Variants in HECW1 observed in about 807,000 individuals in gnomAD.
The protein encoded by HECW1 is HECT, C2 and WW domain containing E3 ubiquitin protein ligase 1.
A neutral mutation model predicts 182.3 loss-of-function variants in HECW1; 61 were observed. The ratio of observed to expected loss-of-function variants is 0.33; its 90% CI spans 0.27 to 0.41. The LOEUF (loss-of-function observed/expected upper bound fraction) is 0.41, where lower values mean the gene tolerates loss of function less well. Ranked by LOEUF, HECW1 falls within the 10% of genes least tolerant of loss-of-function variation. The probability of loss-of-function intolerance (pLI) is 1.00; values close to 1 mark genes in which losing one functional copy is unlikely to be tolerated. For synonymous variants in HECW1, 859 were observed against 832.6 expected (o/e 1.03, Z -0.55); for missense variants, 1,739 against 2,108.9 (o/e 0.82, Z 3.44).
In HECW1 at chr7:43,445,237, A is replaced by C; in HGVS notation, c.2065A>C (p.Ser689Arg). The change falls in exon 11 of 30, where the codon AGC becomes CGC. Residue 689 changes from serine to arginine, a missense_variant. Physicochemically the swap from Ser to Arg is moderately radical, Grantham distance 110. Transcript: ENST00000395891. Reference sequence around the variant, plus strand: ...CTCGTGCTACAGCTCCTCGTGCTACAGCACGTCCTGCTACAGCAGCTCGTG... The same window carrying C: ...CTCGTGCTACAGCTCCTCGTGCTACCGCACGTCCTGCTACAGCAGCTCGTG... ...SPSCYSSSCY[S>R]TSCYSSSCYS... 6.2e-7 allele frequency: 1 copy of C among 1,613,228 alleles called. No individual in the cohort carries two copies. Among genetic ancestry groups the C allele is most frequent in the Non-Finnish European group, 8.5e-7 (1 of 1,179,626 alleles).
At chr7:43,324,769 A>C (rs967891662) in intron 5 of HECW1, among the ~76,000 whole-genome samples, 3 of 152,236 alleles carry the variant, frequency 2.0e-5, no homozygotes, top group African/African-American at 7.2e-5. Context: ...GTACAACAGA[A>C]GCTCATTCTT....
intron 2 of HECW1, among the ~76,000 whole-genome samples, chr7:43,165,095 G>C: frequency 6.6e-6 from 1 of 152,168 alleles, no homozygotes; most frequent in Non-Finnish European, 1.5e-5. Context: ...GGTTTCAATA[G>C]TAAGGCCTTC....
intron 28 of HECW1, among the ~76,000 whole-genome samples, chr7:43,553,958 T>C (rs1420071033): frequency 1.3e-5 from 2 of 152,256 alleles, no homozygotes; most frequent in African/African-American, 4.8e-5. Context: ...TGAATGCCTC[T>C]TGCATTTGCA....
chr7:43,146,180 T>C (rs1375428517), intron 2 of HECW1, among the ~76,000 whole-genome samples: 1 of 152,232 alleles, frequency 6.6e-6, no homozygotes, highest in Non-Finnish European at 1.5e-5. Context: ...CACTTAATTT[T>C]CTGTGGTATT....
At chr7:43,272,333 G>A (rs984314064) in intron 3 of HECW1, among the ~76,000 whole-genome samples, 5 of 152,044 alleles carry the variant, frequency 3.3e-5, no homozygotes, top group African/African-American at 1.2e-4. Flanking sequence ...GTTGACAAGT[G>A]GAACCTATTA....
At chr7:43,264,416 C>T (rs1352388772) in intron 3 of HECW1, among the ~76,000 whole-genome samples, 4 of 152,146 alleles carry the variant, frequency 2.6e-5, no homozygotes, top group Admixed American at 6.5e-5. Flanking sequence ...TTGCAAATAA[C>T]GGAATTTTAC....
intron 14 of HECW1, among the ~76,000 whole-genome samples, chr7:43,464,071 T>C (rs1415128650): frequency 6.6e-6 from 1 of 152,216 alleles, no homozygotes; most frequent in Non-Finnish European, 1.5e-5. Flanking sequence ...AGATGAATTC[T>C]GGGGATGGAG....
chr7:43,554,024 T>C (rs1018705550), intron 28 of HECW1, among the ~76,000 whole-genome samples: 1 of 152,230 alleles, frequency 6.6e-6, no homozygotes, highest in East Asian at 1.9e-4. Flanking sequence ...CAGCTTACTG[T>C]GAGAGGGACC....
intron 6 of HECW1, among the ~76,000 whole-genome samples, chr7:43,396,298 TAATTA>T (rs2075228821): frequency 6.6e-6 from 1 of 152,226 alleles, no homozygotes; most frequent in African/African-American, 2.4e-5. Context: ...GGCAATTGAT[TAATTA>T]AGAGAGACCT....
chr7:43,212,549 A>G (rs1796092181), intron 2 of HECW1, among the ~76,000 whole-genome samples: 3 of 152,234 alleles, frequency 2.0e-5, no homozygotes, highest in Admixed American at 2.0e-4. Context: ...ACACAATTAC[A>G]GAAGGGAGGC....
rs577946927 is a variant in HECW1 at position 43,470,938 on chromosome 7, C to A, written c.3099+1833C>A. Among the ~76,000 whole-genome samples the A allele has an allele frequency of 2.6e-5, 4 of 152,352 alleles. No individual in the cohort carries two copies. The East Asian group carries it at 7.7e-4, about 29-fold the overall frequency. On this transcript the variant is annotated intron_variant, in intron 16 of 29. Transcript: ENST00000395891. ...ACAAAGGAGGATAGTGGGAAAAATACATGGACTAGTCCATCTCAGTCTAAA... is the reference window on the plus strand; with the variant it reads ...ACAAAGGAGGATAGTGGGAAAAATAAATGGACTAGTCCATCTCAGTCTAAA...
chr7:43,317,429 A>G (rs1021876335), intron 4 of HECW1, among the ~76,000 whole-genome samples: 8 of 152,244 alleles, frequency 5.3e-5, no homozygotes, highest in Admixed American at 2.6e-4. Context: ...CTCGTTGGAG[A>G]GCCAGTTAGG....
intron 3 of HECW1, among the ~76,000 whole-genome samples, chr7:43,295,287 CT>C (rs1197808601): frequency 6.6e-6 from 1 of 151,982 alleles, no homozygotes; most frequent in African/African-American, 2.4e-5. Flanking sequence ...AGGTATATAG[CT>C]TTTTTATAAT....
intron 26 of HECW1, among the ~76,000 whole-genome samples, chr7:43,544,770 G>A (rs182836426): frequency 1.7e-3 from 257 of 152,296 alleles, no homozygotes; most frequent in African/African-American, 5.9e-3. Flanking sequence ...GTGAAATCAT[G>A]TGGGGTTATT....
chr7:43,339,240 C>T (rs1812660246), intron 5 of HECW1, among the ~76,000 whole-genome samples: 1 of 152,212 alleles, frequency 6.6e-6, no homozygotes, highest in African/African-American at 2.4e-5. Flanking sequence ...ACTCCAATTA[C>T]ATACGGTGGA....
intron 6 of HECW1, among the ~76,000 whole-genome samples, chr7:43,378,576 G>A (rs748907025): frequency 1.3e-4 from 20 of 152,170 alleles, no homozygotes; most frequent in South Asian, 2.1e-4. Flanking sequence ...AGGCCAAGGC[G>A]GGTGGATCAC....
rs139200527 is a variant in HECW1 at position 43,336,867 on chromosome 7, C to T, written c.460+16125C>T. On this transcript the variant is annotated intron_variant, in intron 5 of 29. Coordinates refer to ENST00000395891, the MANE Select transcript of HECW1 (RefSeq NM_015052.5). ...GCCTCCAGCTCCATCCACGTTGCTG[C>T]GAAGGACATGATTTTATGTTTTATG... Among the ~76,000 whole-genome samples the T allele has an allele frequency of 2.6e-3, 397 of 152,212 alleles. 1 individual carries two copies. The highest frequency in any genetic ancestry group is 9.2e-3 in the African/African-American group (383 of 41,534).
intron 5 of HECW1, among the ~76,000 whole-genome samples, chr7:43,356,202 G>C (rs1815113496): frequency 6.6e-6 from 1 of 152,100 alleles, no homozygotes; most frequent in Non-Finnish European, 1.5e-5. Context: ...TGAAAGTATT[G>C]AGGTGGAAAA....
At chr7:43,303,543 G>T (rs1247362141) in intron 3 of HECW1, among the ~76,000 whole-genome samples, 1 of 151,952 alleles carries the variant, frequency 6.6e-6, no homozygotes, top group African/African-American at 2.4e-5. Flanking sequence ...GGCTTGATTT[G>T]CTTATTAAAA....
Sources: allele counts gnomAD v4.1 joint callset (sites outside exome capture counted in the v4.1 genomes callset), GRCh38; gene constraint gnomAD v4.1.1; transcripts MANE v1.5; gene names NCBI Gene and HGNC (gene_info 2026-07-23, HGNC 2026-07-21).